The following ZNF536 variants were observed in gnomAD, a reference collection of about 807,000 sequenced individuals.
ZNF536 encodes the protein zinc finger protein 536.
In ZNF536, 13 loss-of-function variants were observed where a neutral mutation model predicts 84.5. The observed-to-expected ratio is 0.15, with a 90% CI of 0.10 to 0.24. The LOEUF (loss-of-function observed/expected upper bound fraction) is 0.24. ZNF536 is among the 10% of genes least tolerant of loss of function. ZNF536 has a pLI of 1.00. For synonymous variants in ZNF536, 811 were observed against 742.5 expected (o/e 1.09, Z -1.50); for missense variants, 1,536 against 1,747.5 (o/e 0.88, Z 2.16).
chr19:30,645,898 A>C (rs1029103575), intron 1 of ZNF536, among the ~76,000 whole-genome samples: 1 of 152,192 alleles, frequency 6.6e-6, no homozygotes, highest in Non-Finnish European at 1.5e-5. Flanking sequence ...CGTTTGGCGA[A>C]CAACACGTCT....
intron 2 of ZNF536, among the ~76,000 whole-genome samples, chr19:30,297,990 C>G (rs1238735561): frequency 6.6e-6 from 1 of 151,494 alleles, no homozygotes; most frequent in East Asian, 1.9e-4. Flanking sequence ...AAAGGATTCT[C>G]CTGCCTCAGC....
chr19:30,248,070 C>T (rs149968001), intron 1 of ZNF536, among the ~76,000 whole-genome samples: 155 of 152,240 alleles, frequency 1.0e-3, no homozygotes, highest in Admixed American at 2.9e-3. Flanking sequence ...ACATGTACAG[C>T]GTCCACTGAA....
chr19:30,623,869 G>GC (rs2048579596), intron 1 of ZNF536, among the ~76,000 whole-genome samples: 2 of 152,182 alleles, frequency 1.3e-5, no homozygotes, highest in African/African-American at 4.8e-5. Context: ...TACTGGAGGG[G>GC]CCTCAGTGCA....
chr19:30,244,731 G>T (rs2024152553), intron 1 of ZNF536, among the ~76,000 whole-genome samples: 1 of 152,170 alleles, frequency 6.6e-6, no homozygotes, highest in South Asian at 2.1e-4. Context: ...GGGAGATCTG[G>T]CTAATTAACA....
intron 1 of ZNF536, among the ~76,000 whole-genome samples, chr19:30,276,663 G>C (rs566744655): frequency 1.3e-5 from 2 of 152,150 alleles, no homozygotes; most frequent in Non-Finnish European, 2.9e-5. Context: ...CCATGTGTTA[G>C]CTATGGAACA....
At chr19:30,356,675 A>C (rs557593491) in intron 3 of ZNF536, among the ~76,000 whole-genome samples, 1 of 152,356 alleles carries the variant, frequency 6.6e-6, no homozygotes, top group Admixed American at 6.5e-5. Context: ...CACGGTGGAC[A>C]CTTTCCCAGG....
At chr19:30,423,930 G>A (rs1281272680) in intron 1 of ZNF536, among the ~76,000 whole-genome samples, 2 of 152,134 alleles carry the variant, frequency 1.3e-5, no homozygotes. Flanking sequence ...CCCTGCCAGG[G>A]TCAAGCATGG....
At chr19:30,250,314 C>T (rs1051076515) in intron 1 of ZNF536, among the ~76,000 whole-genome samples, 14 of 152,174 alleles carry the variant, frequency 9.2e-5, no homozygotes, top group African/African-American at 3.1e-4. Context: ...CTCTTGTTGA[C>T]GCCGAGGTCT....
At chr19:30,390,071 C>T (rs2049515136) in intron 1 of ZNF536, among the ~76,000 whole-genome samples, 1 of 152,128 alleles carries the variant, frequency 6.6e-6, no homozygotes, top group Admixed American at 6.5e-5. Flanking sequence ...GGAAGGACTC[C>T]ATCTCCATTG....
intron 2 of ZNF536, among the ~76,000 whole-genome samples, chr19:30,508,000 G>A (rs868729176): frequency 3.3e-5 from 5 of 152,314 alleles, no homozygotes; most frequent in South Asian, 2.1e-4. Flanking sequence ...ACTTAGGAGT[G>A]ATGAATGGTA....
intron 1 of ZNF536, among the ~76,000 whole-genome samples, chr19:30,409,279 C>G (rs1256412662): frequency 6.6e-6 from 1 of 152,156 alleles, no homozygotes; most frequent in Admixed American, 6.5e-5. Flanking sequence ...AGGTTTTGAA[C>G]TTGGAGAGTG....
chr19:30,550,628 A>C (rs999505345), intron 4 of ZNF536, among the ~76,000 whole-genome samples: 11 of 152,014 alleles, frequency 7.2e-5, no homozygotes, highest in Non-Finnish European at 1.5e-4. Context: ...AAGGGAAGGA[A>C]AGAAAAGGGA....
intron 1 of ZNF536, among the ~76,000 whole-genome samples, chr19:30,648,817 G>C (rs1268036233): frequency 6.6e-6 from 1 of 152,196 alleles, no homozygotes; most frequent in Non-Finnish European, 1.5e-5. Context: ...GAAAAATAAA[G>C]ATCATTTAAA....
chr19:30,329,090 A>G (rs1268754779), intron 2 of ZNF536, among the ~76,000 whole-genome samples: 1 of 152,180 alleles, frequency 6.6e-6, no homozygotes, highest in African/African-American at 2.4e-5. Flanking sequence ...CAAGAAGGCC[A>G]ACAGCTATCT....
chr19:30,383,788 CTTT>C, intron 1 of ZNF536, among the ~76,000 whole-genome samples: 1 of 138,872 alleles, frequency 7.2e-6, no homozygotes, highest in African/African-American at 2.7e-5. Context: ...TTCTTTCTTT[CTTT>C]TCTTTCTTTT....
At chr19:30,666,214 A>G (rs976748973) in intron 1 of ZNF536, among the ~76,000 whole-genome samples, 1 of 152,202 alleles carries the variant, frequency 6.6e-6, no homozygotes, top group Non-Finnish European at 1.5e-5. Context: ...GCTTAGGCCC[A>G]GCCCTCCCAG....
At chr19:30,576,243 G>A (rs1458487217) in intron 1 of ZNF536, among the ~76,000 whole-genome samples, 1 of 152,182 alleles carries the variant, frequency 6.6e-6, no homozygotes, top group African/African-American at 2.4e-5. Context: ...AGGAGGCCGG[G>A]AAGGAGGCTG....
intron 2 of ZNF536, among the ~76,000 whole-genome samples, chr19:30,527,219 C>CT (rs56404227): frequency 0.017 from 1,822 of 105,884 alleles, 62 homozygotes; most frequent in African/African-American, 0.03. Flanking sequence ...ACCCAGCCTC[C>CT]TTTTTTTTTT....
intron 2 of ZNF536, among the ~76,000 whole-genome samples, chr19:30,288,688 A>G (rs1365261330): frequency 6.6e-6 from 1 of 152,216 alleles, no homozygotes; most frequent in African/African-American, 2.4e-5. Flanking sequence ...GTGTCAAGGA[A>G]CTTGCACCTC....
Sources: allele counts gnomAD v4.1 joint callset (sites outside exome capture counted in the v4.1 genomes callset), GRCh38; gene constraint gnomAD v4.1.1; transcripts MANE v1.5; gene names NCBI Gene and HGNC (gene_info 2026-07-23, HGNC 2026-07-21).